CSMD2: variants seen among roughly 807,000 people sequenced by gnomAD.
The protein encoded by CSMD2 is CUB and sushi domain-containing protein 2.
Under a neutral mutation model 398.5 loss-of-function variants are expected in CSMD2, and 130 were observed. The observed-to-expected ratio is 0.33, with a 90% CI of 0.28 to 0.38. The LOEUF (loss-of-function observed/expected upper bound fraction) is 0.38. CSMD2 is among the 10% of genes least tolerant of loss of function. CSMD2 has a pLI of 1.00. For missense variants in CSMD2, 3,829 were observed against 4,764.9 expected, an observed-to-expected ratio of 0.80 and a Z score of 5.78; for synonymous variants, 1,828 against 1,908.5, an observed-to-expected ratio of 0.96 and a Z score of 1.10.
intron 12 of CSMD2, among the ~76,000 whole-genome samples, chr1:33,781,229 C>T (rs556013851): frequency 2.0e-5 from 3 of 152,326 alleles, no homozygotes; most frequent in African/African-American, 4.8e-5. Flanking sequence ...CCCACCTGTT[C>T]CCTCTCTCAA....
chr1:33,766,513 T>A (rs1650517939), intron 13 of CSMD2, among the ~76,000 whole-genome samples: 1 of 152,214 alleles, frequency 6.6e-6, no homozygotes, highest in Non-Finnish European at 1.5e-5. Flanking sequence ...AACTAAATTA[T>A]AAGCCACAAG....
chr1:33,933,174 C>T (rs1644365015), intron 4 of CSMD2, among the ~76,000 whole-genome samples: 1 of 152,140 alleles, frequency 6.6e-6, no homozygotes, highest in African/African-American at 2.4e-5. Flanking sequence ...TGTTTGTTGG[C>T]TTGTATTTTG....
chr1:33,750,470 T>C (rs1371346162), intron 13 of CSMD2, among the ~76,000 whole-genome samples: 1 of 152,184 alleles, frequency 6.6e-6, no homozygotes, highest in African/African-American at 2.4e-5. Context: ...ACAGTCACTG[T>C]AGATGATAGA....
chr1:33,928,651 C>T (rs761886928), intron 4 of CSMD2, among the ~76,000 whole-genome samples: 11 of 152,316 alleles, frequency 7.2e-5, no homozygotes, highest in East Asian at 3.9e-4. Context: ...GAGCCCATAT[C>T]GTGAAACGTT....
At chr1:34,165,825 T>G (rs758484607), upstream of CSMD2, 3 of 1,576,926 alleles carry the variant, frequency 1.9e-6, no homozygotes, top group South Asian at 3.3e-5. Flanking sequence ...CACAATAGCC[T>G]CCTACCCCAT....
chr1:33,933,464 G>A (rs1276671268), intron 4 of CSMD2, among the ~76,000 whole-genome samples: 3 of 152,184 alleles, frequency 2.0e-5, no homozygotes, highest in Non-Finnish European at 4.4e-5. Context: ...AAATAGCATG[G>A]CATTTATAGT....
At position 33,541,087 on chromosome 1, in the gene CSMD2, A is replaced by G. The variant is rs369712194; in HGVS notation, c.9457+43T>C. The G allele has an allele frequency of 1.3e-5, 21 of 1,595,916 alleles. 1 individual carries two copies. Among genetic ancestry groups the G allele is most frequent in the Admixed American group, 1.7e-5 (1 of 59,484 alleles). ...CTCAGGGCCTACATCTCACTTTTGT[A>G]TCTTCTTTGGCTCTCTGTCCACATT... On this transcript the variant is annotated intron_variant, in intron 59 of 70. Transcript: ENST00000373381.
intron 4 of CSMD2, among the ~76,000 whole-genome samples, chr1:33,934,247 T>C (rs1404826989): frequency 2.0e-5 from 3 of 152,242 alleles, no homozygotes; most frequent in Non-Finnish European, 4.4e-5. Flanking sequence ...CAGACTGATA[T>C]ATGGATGTTC....
chr1:33,587,453 A>G (rs1639164754), intron 44 of CSMD2, among the ~76,000 whole-genome samples: 1 of 152,156 alleles, frequency 6.6e-6, no homozygotes, highest in South Asian at 2.1e-4. Flanking sequence ...CCTCGTGGAT[A>G]TTAGGCGTTT....
In CSMD2 at chr1:33,879,389, C is replaced by T. The variant is rs545772782; in HGVS notation, c.921-32393G>A. 1.5e-4 allele frequency among the ~76,000 whole-genome samples: 23 copies of T among 152,238 alleles called. No homozygotes were observed. In the South Asian group the frequency reaches 3.5e-3, roughly 23 times the overall value. On this transcript the variant is annotated intron_variant, in intron 5 of 70. Transcript: ENST00000373381. Reference sequence around the variant, plus strand: ...TCAATCTCTGGTCCCATTTCTTGCTCCCCCATGGGCTAGCAGTTTTGTGAA... The same window carrying T: ...TCAATCTCTGGTCCCATTTCTTGCTTCCCCATGGGCTAGCAGTTTTGTGAA...
chr1:33,557,199 G>C (rs1255229608), intron 55 of CSMD2, among the ~76,000 whole-genome samples: 1 of 152,100 alleles, frequency 6.6e-6, no homozygotes, highest in African/African-American at 2.4e-5. Flanking sequence ...ATAGGTACTG[G>C]CATCATTTTT....
intron 32 of CSMD2, among the ~76,000 whole-genome samples, chr1:33,630,381 A>AAATTGAGT (rs1642398639): frequency 6.6e-6 from 1 of 152,212 alleles, no homozygotes; most frequent in Non-Finnish European, 1.5e-5. Context: ...CTGAATAACA[A>AAATTGAGT]AATTGAGTAA....
Position 33,808,113 on chromosome 1 carries a change from C to T in CSMD2, c.1446+2630G>A, listed in dbSNP as rs1656431654. On this transcript the variant is annotated intron_variant, in intron 10 of 70. Coordinates refer to ENST00000373381, the MANE Select transcript of CSMD2 (RefSeq NM_001281956.2). ...AACTTTGATGCTCTAATAACACAGT[C>T]TCAAAATACATGAAGCAAAAATTGA... Among the ~76,000 whole-genome samples the T allele has an allele frequency of 2.6e-5, 4 of 152,146 alleles. No homozygotes were observed. In the East Asian group the frequency reaches 5.8e-4, roughly 22 times the overall value.
chr1:33,831,179 C>T (rs1002669431), intron 6 of CSMD2, among the ~76,000 whole-genome samples: 153 of 151,920 alleles, frequency 1.0e-3, no homozygotes, highest in Non-Finnish European at 1.5e-3. Context: ...AGATACTCCT[C>T]GAGAAGAGCA....
At chr1:34,008,101 A>G (rs761504758) in intron 3 of CSMD2, among the ~76,000 whole-genome samples, 48 of 152,212 alleles carry the variant, frequency 3.2e-4, no homozygotes, top group Non-Finnish European at 2.1e-4. Context: ...TTTGCTGTCA[A>G]TTCTCTGCAC....
At chr1:33,682,531 A>G (rs555592442) in intron 25 of CSMD2, among the ~76,000 whole-genome samples, 1 of 152,278 alleles carries the variant, frequency 6.6e-6, no homozygotes, top group Admixed American at 6.5e-5. Flanking sequence ...CTGAATCAAC[A>G]ATTCTTGAGG....
chr1:33,983,724 AGAGAAAGACGTTTT>A (rs1458656740), intron 3 of CSMD2, among the ~76,000 whole-genome samples: 2 of 152,084 alleles, frequency 1.3e-5, no homozygotes, highest in Non-Finnish European at 2.9e-5. Context: ...TCTGTAAAGG[AGAGAAAGACGTTTT>A]GAGGAAGCTT....
intron 2 of CSMD2, among the ~76,000 whole-genome samples, chr1:34,067,815 C>T (rs1865891): frequency 0.32 from 49,014 of 152,124 alleles, 8,833 homozygotes; most frequent in African/African-American, 0.48. Flanking sequence ...GTAAAGGTCA[C>T]TCTGAAGATG....
intron 29 of CSMD2, among the ~76,000 whole-genome samples, chr1:33,643,600 T>G (rs1690553): frequency 0.054 from 8,254 of 152,220 alleles, 298 homozygotes; most frequent in East Asian, 0.13. Flanking sequence ...TTTTCATGGA[T>G]GAGGAAGCAA....
Sources: allele counts gnomAD v4.1 joint callset (sites outside exome capture counted in the v4.1 genomes callset), GRCh38; gene constraint gnomAD v4.1.1; transcripts MANE v1.5; gene names NCBI Gene and HGNC (gene_info 2026-07-23, HGNC 2026-07-21).